BICC1: variants seen among roughly 807,000 people sequenced by gnomAD.
BICC1 encodes protein bicaudal C homolog 1.
In BICC1, 43 loss-of-function variants were observed where a neutral mutation model predicts 111.0. That is an observed-to-expected ratio of 0.39 (90% confidence interval 0.30 to 0.50). The LOEUF (loss-of-function observed/expected upper bound fraction) is 0.50. Ranked by LOEUF, BICC1 falls within the 20% of genes least tolerant of loss-of-function variation. The probability of loss-of-function intolerance (pLI) is 0.88; values close to 1 mark genes in which losing one functional copy is unlikely to be tolerated. For synonymous variants in BICC1, 467 were observed against 434.4 expected, an observed-to-expected ratio of 1.07 and a Z score of -0.93; for missense variants, 1,091 against 1,203.2, an observed-to-expected ratio of 0.91 and a Z score of 1.38.
At chr10:58,681,540 C>T (rs1839520424) in intron 2 of BICC1, among the ~76,000 whole-genome samples, 1 of 152,114 alleles carries the variant, frequency 6.6e-6, no homozygotes, top group Non-Finnish European at 1.5e-5. Flanking sequence ...AGGAATGGTT[C>T]TATACTGTTG....
chr10:58,766,686 A>C (rs1343110710), intron 3 of BICC1, among the ~76,000 whole-genome samples: 3 of 152,148 alleles, frequency 2.0e-5, no homozygotes, highest in Non-Finnish European at 4.4e-5. Context: ...TGGAGCAAAA[A>C]ATTTAAGGAG....
At chr10:58,611,352 T>C (rs1346030335) in intron 1 of BICC1, among the ~76,000 whole-genome samples, 2 of 152,232 alleles carry the variant, frequency 1.3e-5, no homozygotes, top group African/African-American at 4.8e-5. Context: ...CAGTCTTTTT[T>C]CTAACACATT....
At chr10:58,811,985 A>T (rs1843921225) in intron 17 of BICC1, among the ~76,000 whole-genome samples, 1 of 152,156 alleles carries the variant, frequency 6.6e-6, no homozygotes, top group African/African-American at 2.4e-5. Flanking sequence ...CAGAGGCTGG[A>T]TTATGGAGCC....
intron 20 of BICC1, among the ~76,000 whole-genome samples, chr10:58,825,054 A>G (rs1366982013): frequency 6.6e-6 from 1 of 152,204 alleles, no homozygotes; most frequent in Non-Finnish European, 1.5e-5. Context: ...CAAATAGGGC[A>G]CCTCAGGTTT....
chr10:58,723,213 A>G (rs1840994397), intron 3 of BICC1, among the ~76,000 whole-genome samples: 1 of 152,198 alleles, frequency 6.6e-6, no homozygotes, highest in Non-Finnish European at 1.5e-5. Flanking sequence ...GAAGGGAGTG[A>G]GACAAATAAA....
At chr10:58,554,273 C>T (rs1843380241) in intron 1 of BICC1, among the ~76,000 whole-genome samples, 1 of 152,072 alleles carries the variant, frequency 6.6e-6, no homozygotes. Context: ...AAGTGATGAG[C>T]TCTATTAGCT....
intron 1 of BICC1, among the ~76,000 whole-genome samples, chr10:58,563,661 A>T (rs541437024): frequency 6.6e-6 from 1 of 152,328 alleles, no homozygotes; most frequent in South Asian, 2.1e-4. Flanking sequence ...ACCTCCACTC[A>T]GCCATTGATG....
At chr10:58,704,168 T>C (rs1026039018) in intron 3 of BICC1, among the ~76,000 whole-genome samples, 2 of 152,230 alleles carry the variant, frequency 1.3e-5, no homozygotes, top group Admixed American at 6.5e-5. Flanking sequence ...CGAGGGTGTT[T>C]GGCATAATTT....
rs536069699 is a variant in BICC1 at position 58,574,650 on chromosome 10, G to A, written c.191-46205G>A. Among the ~76,000 whole-genome samples the A allele has an allele frequency of 2.3e-3, 349 of 152,068 alleles. 3 individuals are homozygous for A. Among genetic ancestry groups the A allele is most frequent in the African/African-American group, 7.7e-3 (318 of 41,496 alleles). ...TCCCAAAAGAGATTTTATATGTTTGGTTTATAGCTATTGATGTTGACTATA... is the reference window on the plus strand; with the variant it reads ...TCCCAAAAGAGATTTTATATGTTTGATTTATAGCTATTGATGTTGACTATA... On this transcript the variant is annotated intron_variant, in intron 1 of 20. Coordinates refer to ENST00000373886, the MANE Select transcript of BICC1 (RefSeq NM_001080512.3).
chr10:58,741,765 G>A (rs934392002), intron 3 of BICC1, among the ~76,000 whole-genome samples: 2 of 152,078 alleles, frequency 1.3e-5, no homozygotes, highest in African/African-American at 4.8e-5. Context: ...TCATGATATT[G>A]TAGTTCTGTT....
chr10:58,519,145 G>T (rs1443523998), intron 1 of BICC1, among the ~76,000 whole-genome samples: 1 of 152,116 alleles, frequency 6.6e-6, no homozygotes, highest in Admixed American at 6.6e-5. Flanking sequence ...CCTCTTCCCT[G>T]CCTCCACCAT....
rs1018528109 is a variant in BICC1 at position 58,819,443 on chromosome 10, T to C, written c.2695-926T>C. On this transcript the variant is annotated intron_variant, in intron 19 of 20. Transcript: ENST00000373886. The stretch of plus-strand genomic sequence containing the variant: ...AAATTTGGTCATCTGCTTTTTTCAG[T>C]GTAGGATATTTTCTAATACTCAGAT... Among the ~76,000 whole-genome samples, 2 of 152,146 alleles carry C rather than the reference T, an allele frequency of 1.3e-5. 1 individual carries two copies. Among genetic ancestry groups the C allele is most frequent in the South Asian group, 4.1e-4 (2 of 4,834 alleles).
chr10:58,598,895 T>C (rs1844927649), intron 1 of BICC1, among the ~76,000 whole-genome samples: 1 of 152,080 alleles, frequency 6.6e-6, no homozygotes, highest in Non-Finnish European at 1.5e-5. Context: ...AACAGACATA[T>C]GAAAAAATGC....
intron 19 of BICC1, among the ~76,000 whole-genome samples, chr10:58,818,106 A>G (rs1404165536): frequency 6.6e-6 from 1 of 152,210 alleles, no homozygotes; most frequent in Non-Finnish European, 1.5e-5. Flanking sequence ...ACTTAAAAGT[A>G]AATAACAGCA....
chr10:58,527,482 C>T (rs1478814642), intron 1 of BICC1, among the ~76,000 whole-genome samples: 10 of 152,110 alleles, frequency 6.6e-5, no homozygotes, highest in Non-Finnish European at 1.2e-4. Context: ...TGTTTTTAGT[C>T]GTGAAGTCCT....
intron 1 of BICC1, among the ~76,000 whole-genome samples, chr10:58,568,076 C>T (rs1843826671): frequency 6.6e-6 from 1 of 152,282 alleles, no homozygotes; most frequent in East Asian, 1.9e-4. Flanking sequence ...TTCTGGCTAT[C>T]TGAGTTTAGG....
intron 2 of BICC1, among the ~76,000 whole-genome samples, chr10:58,655,911 T>G (rs1049907790): frequency 3.3e-5 from 5 of 152,088 alleles, no homozygotes; most frequent in Non-Finnish European, 2.9e-5. Context: ...TGAAAGGAGC[T>G]GGTTTTTTGA....
intron 1 of BICC1, among the ~76,000 whole-genome samples, chr10:58,517,632 G>A (rs938893845): frequency 5.3e-5 from 8 of 152,188 alleles, no homozygotes; most frequent in Admixed American, 1.3e-4. Flanking sequence ...ATACATTTAT[G>A]AGCTTAGAGA....
Position 58,805,647 on chromosome 10 carries a change from G to A in BICC1, c.2182-937G>A, listed in dbSNP as rs545956118. 2.9e-4 allele frequency among the ~76,000 whole-genome samples: 44 copies of A among 152,254 alleles called. No individual in the cohort carries two copies. In the South Asian group the frequency reaches 9.1e-3, roughly 32 times the overall value. ...TTACTTTTATTATCTTGGCCTAATT[G>A]TTATTCACAGCACATTTCACCTTCA... On this transcript the variant is annotated intron_variant, in intron 15 of 20. Coordinates refer to ENST00000373886, the MANE Select transcript of BICC1 (RefSeq NM_001080512.3).
Sources: allele counts gnomAD v4.1 joint callset (sites outside exome capture counted in the v4.1 genomes callset), GRCh38; gene constraint gnomAD v4.1.1; transcripts MANE v1.5; gene names NCBI Gene and HGNC (gene_info 2026-07-23, HGNC 2026-07-21).